Variants in ATP1A4 observed in about 807,000 individuals in gnomAD.
ATP1A4 encodes sodium/potassium-transporting ATPase subunit alpha-4.
ATP1A4 carries 90 observed loss-of-function variants against 114.3 expected under a neutral mutation model. That is an observed-to-expected ratio of 0.79 (90% CI 0.66 to 0.94). ATP1A4 has a LOEUF of 0.94. ATP1A4 is among the 40% of genes least tolerant of loss of function. The pLI is 0.00. For synonymous variants in ATP1A4, 511 were observed against 494.1 expected, an observed-to-expected ratio of 1.03 and a Z score of -0.45; for missense variants, 1,222 against 1,313.6, an observed-to-expected ratio of 0.93 and a Z score of 1.08.
At chr1:160,159,918 G>A (rs1016437398) in intron 6 of ATP1A4, among the ~76,000 whole-genome samples, 4 of 152,204 alleles carry the variant, frequency 2.6e-5, no homozygotes, top group African/African-American at 9.6e-5. Context: ...CTTAAGGTAA[G>A]CCCTAACTTC....
At chr1:160,154,875 A>C (rs573193853) in intron 2 of ATP1A4, among the ~76,000 whole-genome samples, 170 bp from the exon 3 acceptor site, 1 of 152,256 alleles carries the variant, frequency 6.6e-6, no homozygotes, top group Non-Finnish European at 1.5e-5. Context: ...TCCCTCCTCT[A>C]ATGCAAATTT....
intron 20 of ATP1A4, among the ~76,000 whole-genome samples, chr1:160,185,367 TC>T (rs1035104920): frequency 4.6e-5 from 7 of 151,958 alleles, no homozygotes; most frequent in Non-Finnish European, 8.8e-5. Flanking sequence ...TGCCTCGGCC[TC>T]CCAAAGTGCT....
At chr1:160,183,953 C>CTTTT (rs35692428) in intron 20 of ATP1A4, among the ~76,000 whole-genome samples, 5 of 129,168 alleles carry the variant, frequency 3.9e-5, no homozygotes, top group Admixed American at 1.6e-4. Context: ...ATTGATAATG[C>CTTTT]TTTTTTTTTT....
At chr1:160,164,471 C>A (rs1458607430) in intron 7 of ATP1A4, 47 bp downstream of exon 7, 1 of 1,598,550 alleles carries the variant, frequency 6.3e-7, no homozygotes, top group Middle Eastern at 1.7e-4. Context: ...CAAACCACCC[C>A]AGGGAAAAGG....
chr1:160,176,693 T>C, intron 17 of ATP1A4, 91 bp downstream of exon 17: 1 of 1,544,208 alleles, frequency 6.5e-7, no homozygotes, highest in Non-Finnish European at 8.8e-7. Context: ...GTCAGGGAGA[T>C]ATTTTCTCAG....
Position 160,153,203 on chromosome 1 carries a change from G to A in ATP1A4, c.186G>A (p.Lys62=). ...HKLTLEELST[K]YSVDLTKGHS... ...TAACCTTGGAAGAGCTGAGCACCAA[G>A]TACTCCGTGGACCTGACAAAGGTGA... Residue 62 remains lysine (K), a synonymous_variant, in exon 2 of 22, where the codon AAG becomes AAA. Transcript: ENST00000368081. The A allele has an allele frequency of 1.9e-6, 3 of 1,613,876 alleles. No homozygotes were observed. Among genetic ancestry groups the A allele is most frequent in the East Asian group, 2.2e-5 (1 of 44,874 alleles).
chr1:160,170,002 A>G (rs759734782), intron 10 of ATP1A4: 5 of 152,366 alleles, frequency 3.3e-5, no homozygotes, highest in South Asian at 2.1e-4. Context: ...TAAAAACCCA[A>G]TGAAGGGCCA....
chr1:160,161,810 C>T (rs544811067), intron 6 of ATP1A4, among the ~76,000 whole-genome samples: 1 of 152,292 alleles, frequency 6.6e-6, no homozygotes, highest in East Asian at 1.9e-4. Flanking sequence ...CTGTCTGCTC[C>T]TCGAGTAGGA....
chr1:160,159,981 A>G (rs1320420146), intron 6 of ATP1A4, among the ~76,000 whole-genome samples: 1 of 152,210 alleles, frequency 6.6e-6, no homozygotes, highest in Non-Finnish European at 1.5e-5. Context: ...TTGAATTACC[A>G]GAGGTGCCAC....
In ATP1A4 at chr1:160,166,576, G is replaced by C; in HGVS notation, c.1096G>C (p.Val366Leu). The C allele has an allele frequency of 6.2e-7, 1 of 1,614,242 alleles. No homozygotes were observed. Among genetic ancestry groups the C allele is most frequent in the African/African-American group, 1.3e-5 (1 of 75,066 alleles). Residue 366 changes from valine (V) to leucine (L), a missense_variant, in exon 8 of 22, where the codon GTG (valine) becomes CTG (leucine). Coordinates refer to ENST00000368081, the MANE Select transcript of ATP1A4 (RefSeq NM_144699.4). The part of the protein sequence containing the change: ...AKRMARKNCL[V>L]KNLEAVETLG... ...GCGCATGGCGCGGAAGAACTGCCTGGTGAAGAACCTGGAGGCGGTGGAGAC... is the reference window on the plus strand; with the variant it reads ...GCGCATGGCGCGGAAGAACTGCCTGCTGAAGAACCTGGAGGCGGTGGAGAC...
At chr1:160,178,358 AAAATAAAT>A (rs55825666) in intron 18 of ATP1A4, among the ~76,000 whole-genome samples, 2 of 149,196 alleles carry the variant, frequency 1.3e-5, no homozygotes, top group African/African-American at 5.0e-5. Context: ...TCTGTCTCAA[AAAATAAAT>A]AAATAAATAA....
chr1:160,177,782 T>C, intron 18 of ATP1A4, 118 bp downstream of exon 18: 1 of 1,167,268 alleles, frequency 8.6e-7, no homozygotes, highest in Non-Finnish European at 1.2e-6. Flanking sequence ...ACAGAGCTGA[T>C]GCCTTTTCTT....
At chr1:160,162,860 T>C (rs1652909350) in intron 6 of ATP1A4, among the ~76,000 whole-genome samples, 1 of 152,118 alleles carries the variant, frequency 6.6e-6, no homozygotes, top group Non-Finnish European at 1.5e-5. Flanking sequence ...AAGAACTATA[T>C]AGGCAATAGA....
At chr1:160,165,574 A>G (rs1652997638) in intron 7 of ATP1A4, among the ~76,000 whole-genome samples, 1 of 152,032 alleles carries the variant, frequency 6.6e-6, no homozygotes. Context: ...TCTGGCTAAC[A>G]CGGTGAAACC....
At chr1:160,182,245 C>T (rs1653732849) in intron 20 of ATP1A4, among the ~76,000 whole-genome samples, 2 of 152,184 alleles carry the variant, frequency 1.3e-5, no homozygotes, top group African/African-American at 4.8e-5. Flanking sequence ...TCACAACCCA[C>T]TAGACACACA....
intron 20 of ATP1A4, 103 bp from the exon 21 acceptor site, chr1:160,186,173 T>C (rs892500071): frequency 5.7e-6 from 4 of 696,672 alleles, no homozygotes; most frequent in East Asian, 3.8e-5. Context: ...ACGCACACAG[T>C]AGACACAAGC....
At chr1:160,152,327 G>GT in intron 1 of ATP1A4, 140 bp downstream of exon 1, 1 of 898,166 alleles carries the variant, frequency 1.1e-6, no homozygotes, top group Non-Finnish European at 1.6e-6. Flanking sequence ...GAAGGAGAGG[G>GT]TTAAAAAAAA....
Position 160,159,146 on chromosome 1 carries a change from T to C in ATP1A4, c.660+10T>C. 3 of 1,612,686 alleles carry C rather than the reference T, an allele frequency of 1.9e-6. No homozygotes were observed. The highest frequency in any genetic ancestry group is 1.3e-5 in the African/African-American group (1 of 74,984). On this transcript the variant is annotated intron_variant, in intron 5 of 21. Transcript: ENST00000368081. ...TGCACAAGGATGTAAGGTGAGGGGA[T>C]GCCGAAAGCTATGTGAGGGACCCAA...
At chr1:160,185,020 C>T (rs866075485) in intron 20 of ATP1A4, among the ~76,000 whole-genome samples, 2 of 152,316 alleles carry the variant, frequency 1.3e-5, no homozygotes, top group Middle Eastern at 3.4e-3. Context: ...AGGGGTCTCC[C>T]TCAGCGGCTC....
Sources: allele counts gnomAD v4.1 joint callset (sites outside exome capture counted in the v4.1 genomes callset), GRCh38; gene constraint gnomAD v4.1.1; transcripts MANE v1.5; gene names NCBI Gene and HGNC (gene_info 2026-07-23, HGNC 2026-07-21).